USH2A: variants seen among roughly 807,000 people sequenced by gnomAD.
USH2A encodes the protein Usher syndrome 2A (autosomal recessive, mild).
In USH2A, 443 loss-of-function variants were observed where a neutral mutation model predicts 538.9. That is an observed-to-expected ratio of 0.82 (90% CI 0.76 to 0.89). The LOEUF (loss-of-function observed/expected upper bound fraction) is 0.89. Among genes scored for constraint, USH2A ranks in the 40% least tolerant of loss-of-function variants. The pLI, the probability that USH2A is intolerant of heterozygous loss-of-function variation, is 0.00. For missense variants in USH2A, 6,633 were observed against 6,324.8 expected (o/e 1.05, Z -1.65); for synonymous variants, 2,413 against 2,273.5 (o/e 1.06, Z -1.75).
In USH2A at chr1:216,342,364, C is replaced by A. The variant is rs1006113349; in HGVS notation, c.785-14710G>T. Among the ~76,000 whole-genome samples the A allele has an allele frequency of 2.0e-5, 3 of 152,046 alleles. No individual in the cohort carries two copies. The East Asian group carries it at 5.8e-4, about 30-fold the overall frequency. ...ACACGCTAGTGAGACTGTGGAGAAA[C>A]AGGAACACTTTTACACTGTTGGTGG... On this transcript the variant is annotated intron_variant, in intron 4 of 71. Transcript: ENST00000307340.
intron 21 of USH2A, among the ~76,000 whole-genome samples, chr1:216,113,632 G>GT (rs965242404): frequency 1.3e-5 from 2 of 151,934 alleles, no homozygotes; most frequent in African/African-American, 4.8e-5. Context: ...ATCTGTAAGC[G>GT]TTTTTTCCAC....
intron 44 of USH2A, among the ~76,000 whole-genome samples, chr1:215,847,724 C>T (rs1484336862): frequency 6.6e-6 from 1 of 151,866 alleles, no homozygotes; most frequent in Non-Finnish European, 1.5e-5. Context: ...CTCCTTATGG[C>T]TATTGAAGTC....
intron 35 of USH2A, among the ~76,000 whole-genome samples, chr1:215,979,481 A>G (rs1667700307): frequency 6.6e-6 from 1 of 152,188 alleles, no homozygotes; most frequent in Non-Finnish European, 1.5e-5. Context: ...TACAGAAAAA[A>G]TAATCTAGAA....
intron 41 of USH2A, 152 bp downstream of exon 41, chr1:215,888,274 A>G: frequency 9.3e-7 from 1 of 1,073,062 alleles, no homozygotes. Flanking sequence ...AATTTAAGAT[A>G]GTTTGGGCCA....
At chr1:215,973,907 T>C (rs546064753) in intron 35 of USH2A, among the ~76,000 whole-genome samples, 1 of 150,724 alleles carries the variant, frequency 6.6e-6, no homozygotes, top group African/African-American at 2.4e-5. Context: ...GAGAGGTGGA[T>C]GAGAATGAAG....
chr1:215,921,392 T>C (rs1011487548), intron 38 of USH2A, among the ~76,000 whole-genome samples: 1 of 151,878 alleles, frequency 6.6e-6, no homozygotes, highest in African/African-American at 2.4e-5. Flanking sequence ...TTTACCTACA[T>C]TTTTTTTCTC....
At chr1:215,891,729 A>G (rs551554632) in intron 40 of USH2A, among the ~76,000 whole-genome samples, 4 of 152,318 alleles carry the variant, frequency 2.6e-5, no homozygotes, top group Admixed American at 2.6e-4. Context: ...ATATATCACA[A>G]TCAGCTCCTT....
chr1:216,075,727 T>C (rs1268497091), intron 27 of USH2A, among the ~76,000 whole-genome samples: 1 of 152,152 alleles, frequency 6.6e-6, no homozygotes, highest in African/African-American at 2.4e-5. Context: ...TCATTGATCA[T>C]TCTAAGAAGA....
chr1:216,362,257 T>C (rs1334206313), intron 4 of USH2A, among the ~76,000 whole-genome samples: 1 of 152,118 alleles, frequency 6.6e-6, no homozygotes, highest in East Asian at 1.9e-4. Context: ...AAATAAGGAA[T>C]TATAGAGTAT....
chr1:216,335,071 A>C (rs1235673794), intron 4 of USH2A, among the ~76,000 whole-genome samples: 1 of 151,796 alleles, frequency 6.6e-6, no homozygotes, highest in African/African-American at 2.4e-5. Flanking sequence ...AGTCTCTATA[A>C]ATTTAAAATA....
At chr1:216,338,442 A>G (rs544874652) in intron 4 of USH2A, among the ~76,000 whole-genome samples, 1 of 151,692 alleles carries the variant, frequency 6.6e-6, no homozygotes, top group African/African-American at 2.4e-5. Flanking sequence ...TCTACCTCAC[A>G]CATTATACAA....
chr1:216,022,805 G>A (rs1426850180), intron 32 of USH2A, among the ~76,000 whole-genome samples: 1 of 152,152 alleles, frequency 6.6e-6, no homozygotes, highest in Non-Finnish European at 1.5e-5. Context: ...TATCTAAGGT[G>A]GCCCCTGGTG....
At chr1:215,745,009 G>T (rs1660432019) in intron 58 of USH2A, among the ~76,000 whole-genome samples, 1 of 152,062 alleles carries the variant, frequency 6.6e-6, no homozygotes, top group African/African-American at 2.4e-5. Context: ...TTTCTACATG[G>T]ATATTCCTCA....
intron 56 of USH2A, among the ~76,000 whole-genome samples, chr1:215,765,743 C>T (rs541355279): frequency 3.9e-5 from 6 of 152,168 alleles, no homozygotes; most frequent in Admixed American, 3.9e-4. Flanking sequence ...CAATAAATGC[C>T]ATTTTCTCAG....
Position 216,422,401 on chromosome 1 carries a change from T to C in USH2A, c.-65A>G, listed in dbSNP as rs2102789504. 6.2e-7 allele frequency: 1 copy of C among 1,606,714 alleles called. No individual in the cohort carries two copies. The highest frequency in any genetic ancestry group is 8.5e-7 in the Non-Finnish European group (1 of 1,176,574). On this transcript the variant is annotated 5_prime_UTR_variant, in exon 2 of 72. Coordinates refer to ENST00000307340, the MANE Select transcript of USH2A (RefSeq NM_206933.4). ...AAATAAATAATCAGGCCCACGCCAC[T>C]TGCCAGCAATACTTTGAAGCAGGGT... is the stretch of plus-strand genomic sequence containing the variant.
At chr1:216,375,504 C>T (rs1371128765) in intron 3 of USH2A, among the ~76,000 whole-genome samples, 2 of 152,148 alleles carry the variant, frequency 1.3e-5, no homozygotes, top group Non-Finnish European at 2.9e-5. Context: ...TTCTCTCAGC[C>T]TTCACATAAT....
rs182198440 is a variant in USH2A, at chr1:216,166,031, G to C, written c.4627+9221C>G. Among the ~76,000 whole-genome samples the C allele has an allele frequency of 9.9e-5, 15 of 152,078 alleles. No homozygotes were observed. In the East Asian group the frequency reaches 2.7e-3, roughly 27 times the overall value. ...TATGCCTTTGCGTCCTCATAGCTTA[G>C]CTCCCTGAACAACCTGTCTTAATAG... On this transcript the variant is annotated intron_variant, in intron 21 of 71. Coordinates refer to ENST00000307340, the MANE Select transcript of USH2A (RefSeq NM_206933.4).
At chr1:216,280,183 T>C (rs571021908) in intron 11 of USH2A, among the ~76,000 whole-genome samples, 1 of 151,408 alleles carries the variant, frequency 6.6e-6, no homozygotes, top group Admixed American at 6.6e-5. Context: ...TCAGGATGCA[T>C]GTCAAGTAAT....
chr1:215,858,596 T>C (rs1176319713), intron 44 of USH2A, among the ~76,000 whole-genome samples: 1 of 151,380 alleles, frequency 6.6e-6, no homozygotes. Context: ...TTTTCCTTTA[T>C]AAATTACTCA....
Sources: allele counts gnomAD v4.1 joint callset (sites outside exome capture counted in the v4.1 genomes callset), GRCh38; gene constraint gnomAD v4.1.1; transcripts MANE v1.5; gene names NCBI Gene and HGNC (gene_info 2026-07-23, HGNC 2026-07-21).